The following FHIT variants were observed in gnomAD, a reference collection of about 807,000 sequenced individuals.
FHIT encodes bis(5'-adenosyl)-triphosphatase.
In FHIT, 19 loss-of-function variants were observed where a neutral mutation model predicts 17.9. That is an observed-to-expected ratio of 1.06 (90% CI 0.74 to 1.56). The LOEUF (loss-of-function observed/expected upper bound fraction) is 1.56. FHIT is among the 40% of genes most tolerant of loss of function. The pLI is 0.00. For synonymous variants in FHIT, 81 were observed against 69.7 expected, an observed-to-expected ratio of 1.16 and a Z score of -0.81; for missense variants, 248 against 189.2, an observed-to-expected ratio of 1.31 and a Z score of -1.82.
intron 4 of FHIT, among the ~76,000 whole-genome samples, chr3:60,764,979 C>T (rs1403638371): frequency 6.6e-6 from 1 of 152,114 alleles, no homozygotes; most frequent in Non-Finnish European, 1.5e-5. Flanking sequence ...CAGATATTTA[C>T]CTCAGTGGCA....
chr3:59,812,263 C>A (rs1302890213), intron 8 of FHIT, among the ~76,000 whole-genome samples: 3 of 152,186 alleles, frequency 2.0e-5, no homozygotes, highest in Admixed American at 6.5e-5. Flanking sequence ...TAAACAGGGT[C>A]TGAGGCCCTC....
intron 2 of FHIT, among the ~76,000 whole-genome samples, chr3:61,054,015 G>A (rs1247345775): frequency 6.6e-6 from 1 of 152,172 alleles, no homozygotes; most frequent in African/African-American, 2.4e-5. Context: ...CTGTCCAGAG[G>A]CTTGAAGAGA....
At chr3:61,012,996 G>C (rs1158569200) in intron 3 of FHIT, among the ~76,000 whole-genome samples, 1 of 152,062 alleles carries the variant, frequency 6.6e-6, no homozygotes, top group Non-Finnish European at 1.5e-5. Flanking sequence ...ACAATAGTGA[G>C]ACTCAACTCA....
intron 4 of FHIT, among the ~76,000 whole-genome samples, chr3:60,575,106 A>G (rs577578726): frequency 1.1e-4 from 16 of 152,264 alleles, no homozygotes; most frequent in African/African-American, 3.9e-4. Flanking sequence ...AGGTAAGACA[A>G]GGCATACAGT....
chr3:59,777,742 G>A (rs1702395326), intron 8 of FHIT, among the ~76,000 whole-genome samples: 1 of 139,414 alleles, frequency 7.2e-6, no homozygotes, highest in African/African-American at 2.6e-5. Context: ...CTAGGCCACC[G>A]TCTGCCTCTT....
At chr3:60,332,946 A>C (rs144334070) in intron 5 of FHIT, among the ~76,000 whole-genome samples, 1 of 152,176 alleles carries the variant, frequency 6.6e-6, no homozygotes, top group East Asian at 1.9e-4. Flanking sequence ...GACTTTAAAA[A>C]CTTTAGGAAC....
At chr3:61,096,078 A>G (rs1467168333) in intron 2 of FHIT, among the ~76,000 whole-genome samples, 1 of 152,218 alleles carries the variant, frequency 6.6e-6, no homozygotes, top group Non-Finnish European at 1.5e-5. Flanking sequence ...CTACTGACAG[A>G]CAAAGTAGAT....
intron 2 of FHIT, among the ~76,000 whole-genome samples, chr3:61,158,716 G>C (rs533125514): frequency 1.3e-5 from 2 of 152,216 alleles, no homozygotes; most frequent in African/African-American, 4.8e-5. Flanking sequence ...CCAGGTCCAA[G>C]TTCACTACAG....
intron 5 of FHIT, among the ~76,000 whole-genome samples, chr3:60,138,792 A>C (rs889216462): frequency 2.0e-5 from 3 of 152,134 alleles, no homozygotes; most frequent in Non-Finnish European, 4.4e-5. Context: ...GAGTACCACT[A>C]CTTCTGCCAC....
chr3:61,090,699 G>A (rs1034060650), intron 2 of FHIT, among the ~76,000 whole-genome samples: 3 of 151,980 alleles, frequency 2.0e-5, no homozygotes, highest in African/African-American at 7.3e-5. Flanking sequence ...AATAGATAGA[G>A]GCATCAACAA....
At chr3:60,403,946 A>G (rs77387608) in intron 5 of FHIT, among the ~76,000 whole-genome samples, 5,111 of 152,194 alleles carry the variant, frequency 0.034, 129 homozygotes, top group Non-Finnish European at 0.053. Context: ...GGGATCGTGT[A>G]TTAGGATTCT....
At chr3:61,156,449 G>A (rs1270808954) in intron 2 of FHIT, among the ~76,000 whole-genome samples, 5 of 151,876 alleles carry the variant, frequency 3.3e-5, no homozygotes, top group East Asian at 1.9e-4. Flanking sequence ...TTATCGAAAC[G>A]GTCCCTAAAT....
At position 60,536,871 on chromosome 3, in the gene FHIT, A is replaced by C. The variant is rs752294589; in HGVS notation, c.92T>G (p.Val31Gly). 1.2e-6 allele frequency: 2 copies of C among 1,605,652 alleles called. No individual in the cohort carries two copies. The highest frequency in any genetic ancestry group is 2.2e-5 in the East Asian group (1 of 44,750). The change falls in exon 5 of 10, where the codon GTG (valine) becomes GGG (glycine). Residue 31 changes from valine to glycine, a missense_variant. Physicochemically the swap from Val to Gly is moderately radical, Grantham distance 109 (BLOSUM62 -3). Coordinates refer to ENST00000492590, the MANE Select transcript of FHIT (RefSeq NM_002012.4). ...LSFALVNRKP[V>G]VPGHVLVCPL... is the part of the protein sequence containing the mutation. ...AAAAGAAAGGATACGTCCTGGTACC[A>C]CAGGTTTCCTATTCACAAGAGCGAA...
At chr3:60,864,588 C>G (rs1370831365) in intron 3 of FHIT, among the ~76,000 whole-genome samples, 1 of 152,030 alleles carries the variant, frequency 6.6e-6, no homozygotes, top group Non-Finnish European at 1.5e-5. Context: ...TGGAACAGGG[C>G]TCTGTATTGG....
chr3:60,344,970 A>G (rs192711476), intron 5 of FHIT, among the ~76,000 whole-genome samples: 6 of 152,298 alleles, frequency 3.9e-5, no homozygotes, highest in Non-Finnish European at 2.9e-5. Context: ...CAAATCCCAG[A>G]TGTTACTTAA....
At chr3:60,266,712 T>G (rs1026777778) in intron 5 of FHIT, among the ~76,000 whole-genome samples, 1 of 151,906 alleles carries the variant, frequency 6.6e-6, no homozygotes, top group African/African-American at 2.4e-5. Context: ...GAGAGTAAAA[T>G]AGAGGGTCTC....
intron 5 of FHIT, among the ~76,000 whole-genome samples, chr3:60,294,352 C>T (rs1040744005): frequency 1.3e-5 from 2 of 152,084 alleles, no homozygotes; most frequent in African/African-American, 4.8e-5. Context: ...CTGGAAGGGA[C>T]CTCAGAGATG....
intron 1 of FHIT, among the ~76,000 whole-genome samples, chr3:61,211,686 AT>A (rs1560079852): frequency 6.6e-6 from 1 of 152,222 alleles, no homozygotes; most frequent in African/African-American, 2.4e-5. Context: ...AGATCTGAGA[AT>A]GGGGAGACTG....
chr3:60,768,438 T>C (rs1553722100), intron 4 of FHIT, among the ~76,000 whole-genome samples: 1 of 152,208 alleles, frequency 6.6e-6, no homozygotes, highest in African/African-American at 2.4e-5. Flanking sequence ...AACTCAGAGC[T>C]TAATCAGCAT....
Sources: gnomAD v4.1 joint callset for allele counts (sites outside exome capture counted in the v4.1 genomes callset) on GRCh38, gnomAD v4.1.1 for gene constraint, MANE v1.5 for transcripts, NCBI Gene and HGNC (gene_info 2026-07-23, HGNC 2026-07-21) for gene names.